COL23A1: variants seen among roughly 807,000 people sequenced by gnomAD.
The protein encoded by COL23A1 is collagen alpha-1(XXIII) chain.
In COL23A1, 97 loss-of-function variants were observed where a neutral mutation model predicts 99.3. The ratio of observed to expected loss-of-function variants is 0.98; its 90% confidence interval spans 0.83 to 1.16. COL23A1 has a LOEUF of 1.16. Among genes scored for constraint, COL23A1 ranks in the 50% most tolerant of loss-of-function variants. COL23A1 has a pLI of 0.00. For missense variants in COL23A1, 762 were observed against 757.4 expected, an observed-to-expected ratio of 1.01 and a Z score of -0.07; for synonymous variants, 320 against 308.2, an observed-to-expected ratio of 1.04 and a Z score of -0.40.
At chr5:178,413,780 A>G (rs1314131450) in intron 2 of COL23A1, among the ~76,000 whole-genome samples, 2 of 152,212 alleles carry the variant, frequency 1.3e-5, no homozygotes, top group East Asian at 1.9e-4. Context: ...CAAAGGAAAC[A>G]GCATTTATTA....
chr5:178,334,640 A>G (rs1465802038), intron 2 of COL23A1, among the ~76,000 whole-genome samples: 3 of 152,142 alleles, frequency 2.0e-5, no homozygotes, highest in Non-Finnish European at 4.4e-5. Context: ...CTCAAGGGAG[A>G]GACACTTCCC....
intron 2 of COL23A1, among the ~76,000 whole-genome samples, chr5:178,527,898 C>A (rs1052034814): frequency 3.3e-5 from 5 of 152,222 alleles, no homozygotes; most frequent in Admixed American, 6.5e-5. Context: ...TCCAGGATTT[C>A]TTGGCATGAA....
chr5:178,465,931 C>T (rs1005073832), intron 2 of COL23A1, among the ~76,000 whole-genome samples: 6 of 152,136 alleles, frequency 3.9e-5, no homozygotes, highest in African/African-American at 4.8e-5. Flanking sequence ...TCTAACTCAG[C>T]GCACACTTCA....
rs993489032 is a variant in COL23A1, at chr5:178,384,579, G to A, written c.362-77660C>T. Among the ~76,000 whole-genome samples the A allele has an allele frequency of 3.9e-5, 6 of 152,108 alleles. No individual in the cohort carries two copies. The highest frequency in any genetic ancestry group is 1.4e-4 in the African/African-American group (6 of 41,438). ...GCCTTACTTCCCTCCCTGCTCCTGC[G>A]CTGATTCTGCTCCTGCCTCAGAGAT... On this transcript the variant is annotated intron_variant, in intron 2 of 28. Transcript: ENST00000390654. This position sits in a 1 kb window ranked among gnomAD's most constrained non-coding sequence, Gnocchi z 5.5.
chr5:178,309,143 G>A lies in COL23A1; in HGVS notation c.362-2224C>T, dbSNP rs968459177. 6.6e-5 allele frequency among the ~76,000 whole-genome samples: 10 copies of A among 152,218 alleles called. No homozygotes were observed. The highest frequency in any genetic ancestry group is 4.4e-5 in the Non-Finnish European group (3 of 68,024). On this transcript the variant is annotated intron_variant, in intron 2 of 28. Transcript: ENST00000390654. This position sits in a 1 kb window ranked among gnomAD's most constrained non-coding sequence, Gnocchi z 4.7. ...GATGGGAATCACTGGGTACGACTAGGAAGTTCTCCGTCTGGGTAACTGAAG... is the reference window on the plus strand; with the variant it reads ...GATGGGAATCACTGGGTACGACTAGAAAGTTCTCCGTCTGGGTAACTGAAG...
chr5:178,314,183 C>G (rs964477959), intron 2 of COL23A1, among the ~76,000 whole-genome samples: 2 of 151,958 alleles, frequency 1.3e-5, no homozygotes, highest in Admixed American at 1.3e-4. Context: ...ATTAAAATCA[C>G]AGCCTCTTGC....
intron 25 of COL23A1, among the ~76,000 whole-genome samples, chr5:178,243,901 C>T (rs906955368): frequency 6.6e-6 from 1 of 152,230 alleles, no homozygotes; most frequent in African/African-American, 2.4e-5. Flanking sequence ...CCCATCCCTT[C>T]CCATTGATGG....
chr5:178,341,262 C>T (rs1227791116), intron 2 of COL23A1, among the ~76,000 whole-genome samples: 6 of 152,202 alleles, frequency 3.9e-5, no homozygotes, highest in Non-Finnish European at 8.8e-5. Context: ...CTAGCTGGGA[C>T]CACAGGTGCG....
chr5:178,553,260 T>C (rs1223507812), intron 2 of COL23A1, among the ~76,000 whole-genome samples: 1 of 151,834 alleles, frequency 6.6e-6, no homozygotes, highest in Non-Finnish European at 1.5e-5. Context: ...GTAAACAGGC[T>C]GAATATGAGC....
At chr5:178,265,012 A>T (rs2913846) in intron 8 of COL23A1, among the ~76,000 whole-genome samples, 102,269 of 152,026 alleles carry the variant, frequency 0.67, 35,382 homozygotes, top group Non-Finnish European at 0.76. Flanking sequence ...ATTTTACAGA[A>T]GGAATGGCTG....
intron 2 of COL23A1, among the ~76,000 whole-genome samples, chr5:178,461,838 G>A (rs1012993953): frequency 6.6e-6 from 1 of 152,220 alleles, no homozygotes. Context: ...AGACAGCAAT[G>A]GCATGTTGGA....
chr5:178,419,763 T>C (rs1379644459), intron 2 of COL23A1, among the ~76,000 whole-genome samples: 2 of 152,198 alleles, frequency 1.3e-5, no homozygotes, highest in Non-Finnish European at 2.9e-5. Flanking sequence ...CCTAACTTAC[T>C]AGTATGCACC....
At chr5:178,471,087 A>G (rs912986038) in intron 2 of COL23A1, among the ~76,000 whole-genome samples, 1 of 152,176 alleles carries the variant, frequency 6.6e-6, no homozygotes, top group African/African-American at 2.4e-5. Context: ...TGTATTGGTC[A>G]GGTCCCTGCA....
Position 178,243,144 on chromosome 5 carries a change from C to T in COL23A1, c.1441-750G>A, listed in dbSNP as rs572100814. ...GGTGGAGGTTGCAGTGAGCCGAGATCGCACCACTGCACTCTGGCCTGGGCG... is the reference window on the plus strand; with the variant it reads ...GGTGGAGGTTGCAGTGAGCCGAGATTGCACCACTGCACTCTGGCCTGGGCG... On this transcript the variant is annotated intron_variant, in intron 25 of 28. Coordinates refer to ENST00000390654, the MANE Select transcript of COL23A1 (RefSeq NM_173465.4). 1.3e-4 allele frequency among the ~76,000 whole-genome samples: 20 copies of T among 151,066 alleles called. No individual in the cohort carries two copies. In the East Asian group the frequency reaches 3.3e-3, roughly 25 times the overall value.
intron 2 of COL23A1, among the ~76,000 whole-genome samples, chr5:178,321,490 T>G (rs1158412458): frequency 6.9e-6 from 1 of 143,910 alleles, no homozygotes; most frequent in Non-Finnish European, 1.5e-5. Context: ...CTTTTTTTTT[T>G]TTTTTTTTTT....
At chr5:178,526,245 A>G (rs1478621463) in intron 2 of COL23A1, among the ~76,000 whole-genome samples, 2 of 152,178 alleles carry the variant, frequency 1.3e-5, no homozygotes, top group Non-Finnish European at 2.9e-5. Context: ...TGCCCCGGGA[A>G]CTGCCCCTTT....
At chr5:178,422,327 C>T (rs922937709) in intron 2 of COL23A1, among the ~76,000 whole-genome samples, 13 of 152,166 alleles carry the variant, frequency 8.5e-5, no homozygotes, top group African/African-American at 3.1e-4. Context: ...CAGGCAGCTG[C>T]ATTTTCCCAA....
intron 2 of COL23A1, chr5:178,352,083 AC>A (rs1581204920): frequency 1.3e-5 from 2 of 152,238 alleles, no homozygotes; most frequent in African/African-American, 4.8e-5. Flanking sequence ...GCCCTAGCAG[AC>A]TAAGGCACAG....
At position 178,538,198 on chromosome 5, in the gene COL23A1, G is replaced by A. The variant is rs375721435; in HGVS notation, c.361+22484C>T. On this transcript the variant is annotated intron_variant, in intron 2 of 28. Coordinates refer to ENST00000390654, the MANE Select transcript of COL23A1 (RefSeq NM_173465.4). ...CTCACACAAGAGCCCCAGAGGGCTC[G>A]TTTACCGCTCAGGGCTGGGCATTCC... is the stretch of plus-strand genomic sequence containing the variant. Among the ~76,000 whole-genome samples, 7 of 152,238 alleles carry A rather than the reference G, an allele frequency of 4.6e-5. No individual in the cohort carries two copies. In the East Asian group the frequency reaches 7.7e-4, roughly 17 times the overall value.
Sources: allele counts gnomAD v4.1 joint callset (sites outside exome capture counted in the v4.1 genomes callset), GRCh38; gene constraint gnomAD v4.1.1; non-coding constraint Gnocchi (gnomAD v3.1); transcripts MANE v1.5; gene names NCBI Gene and HGNC (gene_info 2026-07-23, HGNC 2026-07-21).